The following DENND4A variants were observed in gnomAD, a reference collection of about 807,000 sequenced individuals.
DENND4A encodes C-myc promoter-binding protein.
A neutral mutation model predicts 199.3 loss-of-function variants in DENND4A; 70 were observed. That is an observed-to-expected ratio of 0.35 (90% CI 0.29 to 0.43). The LOEUF is 0.43. DENND4A is among the 20% of genes least tolerant of loss of function. DENND4A has a pLI of 1.00. For missense variants in DENND4A, 1,723 were observed against 2,255.8 expected (o/e 0.76, Z 4.78); for synonymous variants, 686 against 766.9 (o/e 0.89, Z 1.74).
At chr15:65,700,420 TAA>T (rs928419293) in intron 20 of DENND4A, 122 bp downstream of exon 20, 2 of 404,502 alleles carry the variant, frequency 4.9e-6, no homozygotes, top group African/African-American at 4.2e-5. Flanking sequence ...ATAAAATACA[TAA>T]TATATAAAAT....
chr15:65,664,351 C>T lies in DENND4A; in HGVS notation c.5566G>A (p.Gly1856Arg). ...TTACCTATATCAATGTTTTCTCTTC[C>T]CAGTGCCACAAGTGAGAGAAATAGT... is the stretch of plus-strand genomic sequence containing the variant. ...EILFLSLVAL[G>R]RENIDIDAFD... The change falls in exon 32 of 33, where the codon GGA (glycine) becomes AGA (arginine). Residue 1856 changes from glycine (G) to arginine (R), a missense_variant. Gly to Arg is a moderately radical substitution (Grantham distance 125). This residue lies in a region of DENND4A where 164 missense variants were observed against 280.1 expected (regional missense o/e 0.59). Coordinates refer to ENST00000443035, the MANE Select transcript of DENND4A (RefSeq NM_001320835.1). 1 of 1,597,664 alleles carries T rather than the reference C, an allele frequency of 6.3e-7. No individual in the cohort carries two copies. Among genetic ancestry groups the T allele is most frequent in the Non-Finnish European group, 8.5e-7 (1 of 1,170,050 alleles).
chr15:65,789,006 A>T (rs1387846461), intron 1 of DENND4A, among the ~76,000 whole-genome samples: 1 of 151,860 alleles, frequency 6.6e-6, no homozygotes, highest in Non-Finnish European at 1.5e-5. Context: ...ATTTACATGT[A>T]TATGTTTCTT....
chr15:65,735,606 A>G (rs2076091654), intron 7 of DENND4A, among the ~76,000 whole-genome samples: 1 of 152,170 alleles, frequency 6.6e-6, no homozygotes, highest in African/African-American at 2.4e-5. Context: ...AGTAAATATT[A>G]CTAATTTTAT....
intron 1 of DENND4A, among the ~76,000 whole-genome samples, chr15:65,789,879 G>A (rs1035168886): frequency 2.0e-5 from 3 of 152,116 alleles, no homozygotes; most frequent in African/African-American, 7.2e-5. Flanking sequence ...TAACTGGCCG[G>A]GTGCGGTAGC....
intron 28 of DENND4A, 50 bp downstream of exon 28, chr15:65,667,874 TC>T: frequency 6.4e-7 from 1 of 1,566,302 alleles, no homozygotes; most frequent in South Asian, 1.2e-5. Flanking sequence ...GGGAACAAAA[TC>T]ATACGTAAGT....
chr15:65,769,609 T>A (rs1244543625), intron 1 of DENND4A, among the ~76,000 whole-genome samples: 1 of 152,196 alleles, frequency 6.6e-6, no homozygotes, highest in Non-Finnish European at 1.5e-5. Flanking sequence ...AATCACTTAA[T>A]GAGGTACTCG....
chr15:65,702,630 T>G, intron 16 of DENND4A, 119 bp from the exon 17 acceptor site: 1 of 951,230 alleles, frequency 1.1e-6, no homozygotes, highest in Non-Finnish European at 1.6e-6. Flanking sequence ...AAAATATGTC[T>G]GTAATTAATG....
chr15:65,779,538 TG>T (rs1352917368), intron 1 of DENND4A, among the ~76,000 whole-genome samples: 2 of 152,120 alleles, frequency 1.3e-5, no homozygotes, highest in African/African-American at 4.8e-5. Context: ...TTGCTGAGGC[TG>T]GGGTGTGTGG....
At chr15:65,762,529 T>G (rs555058179) in intron 1 of DENND4A, among the ~76,000 whole-genome samples, 106 of 152,066 alleles carry the variant, frequency 7.0e-4, no homozygotes, top group African/African-American at 2.4e-3. Context: ...CTCAGGAGAC[T>G]GAGGCACGAG....
rs1555422997 is a variant in DENND4A at position 65,709,719 on chromosome 15, A to AATATATATAT, written c.1954-3505_1954-3496dup. 4.9e-3 allele frequency among the ~76,000 whole-genome samples: 250 copies of AATATATATAT among 51,462 alleles called. 1 individual carries two copies. Among genetic ancestry groups the AATATATATAT allele is most frequent in the East Asian group, 0.046 (24 of 520 alleles). The allele number at this position is 51,462 out of a possible 152,430, so 33.8% of individuals were successfully genotyped here. The stretch of plus-strand genomic sequence containing the variant: ...TCAAAAAAAAAAAAAAAAAAAAAAA[A>AATATATATAT]ATATATATATATATATATATATAAT... On this transcript the variant is annotated intron_variant, in intron 14 of 32. Transcript: ENST00000443035.
At chr15:65,680,691 C>G (rs554416500) in intron 23 of DENND4A, 1 of 152,058 alleles carries the variant, frequency 6.6e-6, no homozygotes, top group African/African-American at 2.4e-5. Flanking sequence ...CTGTACAGAC[C>G]TACCTTGGAG....
At chr15:65,676,381 A>G in intron 24 of DENND4A, 64 bp downstream of exon 24, 1 of 1,284,760 alleles carries the variant, frequency 7.8e-7, no homozygotes, top group Non-Finnish European at 1.0e-6. Flanking sequence ...GAAAAAAGTG[A>G]AAGTGTCACA....
At chr15:65,674,681 C>T (rs1229540277) in intron 24 of DENND4A, among the ~76,000 whole-genome samples, 3 of 151,198 alleles carry the variant, frequency 2.0e-5, no homozygotes, top group Non-Finnish European at 4.4e-5. Flanking sequence ...TTGCAGTGAG[C>T]CATGACTGTG....
chr15:65,771,104 T>C (rs2077112963), intron 1 of DENND4A: 2 of 1,387,054 alleles, frequency 1.4e-6, no homozygotes, highest in Non-Finnish European at 2.0e-6. Flanking sequence ...TCATCTCTCA[T>C]GATGAAACTA....
intron 23 of DENND4A, among the ~76,000 whole-genome samples, chr15:65,682,070 C>A (rs776464815): frequency 2.6e-5 from 4 of 152,138 alleles, no homozygotes; most frequent in African/African-American, 9.7e-5. Context: ...TTAGCAAATT[C>A]TAGGATTTTC....
chr15:65,716,441 T>C (rs1429682937), intron 13 of DENND4A, among the ~76,000 whole-genome samples: 1 of 129,796 alleles, frequency 7.7e-6, no homozygotes, highest in Non-Finnish European at 1.6e-5. Context: ...TTCCCCTTCC[T>C]GTGTCCATGT....
chr15:65,670,056 G>A lies in DENND4A; in HGVS notation c.4597C>T (p.Pro1533Ser), dbSNP rs1465174323. Residue 1533 changes from proline (P) to serine (S), a missense_variant, in exon 26 of 33, where the codon CCC becomes TCC. This residue lies in a region of DENND4A where 141 missense variants were observed against 170.7 expected (regional missense o/e 0.83). Coordinates refer to ENST00000443035, the MANE Select transcript of DENND4A (RefSeq NM_001320835.1). ...TCTCTTATTTCTATATTCAGAAAGG[G>A]TAAGAAGATATTGCCACAGAATGGG... ...TCPFCGNIFL[P>S]FLNIEIRDLR... 6.2e-7 allele frequency: 1 copy of A among 1,601,690 alleles called. No homozygotes were observed.
rs1472963100 is a variant in DENND4A at position 65,660,234 on chromosome 15, C to G, written c.*1617G>C. The G allele has an allele frequency of 1.4e-6, 2 of 1,479,574 alleles. No homozygotes were observed. The highest frequency in any genetic ancestry group is 4.9e-5 in the East Asian group (2 of 40,654). The allele number at this position is 1,479,574 out of a possible 1,614,324, so 91.7% of individuals were successfully genotyped here. A position where few individuals can be genotyped will look rare whatever the true frequency, so the allele number is the denominator to read the frequency against. On this transcript the variant is annotated 3_prime_UTR_variant, in exon 33 of 33. Transcript: ENST00000443035. ...TCAAGTAAGCAAGTTCAGCCCCAAA[C>G]TAACTGAAGTTTTACATTTTTAAAC... is the stretch of plus-strand genomic sequence containing the variant.
intron 12 of DENND4A, among the ~76,000 whole-genome samples, chr15:65,718,760 C>CTTTTTTTTTTCT (rs2075500209): frequency 1.5e-5 from 1 of 67,738 alleles, no homozygotes; most frequent in African/African-American, 5.0e-5. Flanking sequence ...GTTTTTTTTC[C>CTTTTTTTTTTCT]TTTTTTTTTT....
Sources: allele counts gnomAD v4.1 joint callset (sites outside exome capture counted in the v4.1 genomes callset), GRCh38; gene constraint gnomAD v4.1.1; regional missense constraint gnomAD v4.1.1; transcripts MANE v1.5; gene names NCBI Gene and HGNC (gene_info 2026-07-23, HGNC 2026-07-21).